Variants in MEOX1 observed in about 807,000 individuals in gnomAD.
The protein encoded by MEOX1 is homeobox protein MOX-1.
MEOX1 carries 17 observed loss-of-function variants against 23.2 expected under a neutral mutation model. That is an observed-to-expected ratio of 0.73 (90% CI 0.50 to 1.10). MEOX1 has a LOEUF of 1.10. Ranked by LOEUF, MEOX1 falls within the 50% of genes least tolerant of loss-of-function variation. The pLI is 0.00. For synonymous variants in MEOX1, 134 were observed against 135.1 expected (o/e 0.99, Z 0.06); for missense variants, 333 against 332.2 (o/e 1.00, Z -0.02).
intron 1 of MEOX1, among the ~76,000 whole-genome samples, chr17:43,645,865 C>T (rs923057371): frequency 2.0e-5 from 3 of 152,270 alleles, no homozygotes; most frequent in Non-Finnish European, 2.9e-5. Context: ...CCTCCGCCTC[C>T]GCGCCCCACT....
Position 43,661,804 on chromosome 17 carries a change from G to A in MEOX1, c.-270C>T. The A allele has an allele frequency of 2.6e-6, 1 of 379,670 alleles. No individual in the cohort carries two copies. The allele number at this position is 379,670 out of a possible 1,614,324, so 23.5% of individuals were successfully genotyped here. ...CTCCAATGCACCAGCCTACCTACTGGGATCCCCTGTATGTGTATTTGTCGC... is the reference window on the plus strand; with the variant it reads ...CTCCAATGCACCAGCCTACCTACTGAGATCCCCTGTATGTGTATTTGTCGC... On this transcript the variant is annotated 5_prime_UTR_variant, in exon 1 of 3. Coordinates refer to ENST00000318579, the MANE Select transcript of MEOX1 (RefSeq NM_004527.4).
At chr17:43,656,869 C>T (rs1343276179) in intron 1 of MEOX1, among the ~76,000 whole-genome samples, 1 of 151,912 alleles carries the variant, frequency 6.6e-6, no homozygotes, top group Non-Finnish European at 1.5e-5. Context: ...CTTTAATCCC[C>T]ATTGGCCTGG....
chr17:43,646,859 T>C (rs1451022913), intron 1 of MEOX1, among the ~76,000 whole-genome samples: 1 of 152,088 alleles, frequency 6.6e-6, no homozygotes, highest in Non-Finnish European at 1.5e-5. Flanking sequence ...TGGTGGCTCA[T>C]GCCTGTAATC....
chr17:43,647,615 C>T (rs1216659701), intron 1 of MEOX1, among the ~76,000 whole-genome samples: 1 of 152,178 alleles, frequency 6.6e-6, no homozygotes, highest in Non-Finnish European at 1.5e-5. Context: ...CATCTACCCT[C>T]CTCCAAGACC....
In MEOX1 at chr17:43,641,964, G is replaced by T. The variant is rs757321027; in HGVS notation, c.711C>A (p.Pro237=). 1.2e-6 allele frequency: 2 copies of T among 1,613,534 alleles called. No homozygotes were observed. The highest frequency in any genetic ancestry group is 1.7e-6 in the Non-Finnish European group (2 of 1,179,640). ...KRVKGGQPIS[P]NGQDPEDGDS... ...CCCCATCCTCAGGGTCCTGCCCATTGGGGGAGATGGGCTGACCTCCCTTCA... is the reference window on the plus strand; with the variant it reads ...CCCCATCCTCAGGGTCCTGCCCATTTGGGGAGATGGGCTGACCTCCCTTCA... The change falls in exon 3 of 3, where the codon CCC becomes CCA. Residue 237 remains proline, a synonymous_variant. Coordinates refer to ENST00000318579, the MANE Select transcript of MEOX1 (RefSeq NM_004527.4).
intron 1 of MEOX1, among the ~76,000 whole-genome samples, chr17:43,646,747 G>A (rs1466806687): frequency 1.3e-5 from 2 of 152,196 alleles, no homozygotes; most frequent in Non-Finnish European, 2.9e-5. Context: ...AAGCTGAGGC[G>A]GGCGGATCAC....
Position 43,661,886 on chromosome 17 carries a change from T to C in MEOX1, c.-352A>G, listed in dbSNP as rs1973153048. The C allele has an allele frequency of 1.0e-5, 2 of 193,334 alleles. No individual in the cohort carries two copies. Among genetic ancestry groups the C allele is most frequent in the Non-Finnish European group, 2.1e-5 (2 of 96,016 alleles). The allele number at this position is 193,334 out of a possible 1,614,324, so 12.0% of individuals were successfully genotyped here. On this transcript the variant is annotated 5_prime_UTR_variant, in exon 1 of 3. Coordinates refer to ENST00000318579, the MANE Select transcript of MEOX1 (RefSeq NM_004527.4). ...CCAGACGCACCAGCTGACGAGGAGT[T>C]CGTCCTGGAGCCCAGAGCAAATGCC...
At chr17:43,655,927 G>A (rs1476098244) in intron 1 of MEOX1, among the ~76,000 whole-genome samples, 2 of 152,116 alleles carry the variant, frequency 1.3e-5, no homozygotes, top group East Asian at 3.8e-4. Context: ...TCTAGAAATC[G>A]ATTGCACAAC....
chr17:43,652,522 C>A (rs1377929914), intron 1 of MEOX1, among the ~76,000 whole-genome samples: 1 of 152,182 alleles, frequency 6.6e-6, no homozygotes, highest in African/African-American at 2.4e-5. Flanking sequence ...TTTAGTCTCA[C>A]AGCTACCCAC....
intron 1 of MEOX1, among the ~76,000 whole-genome samples, chr17:43,650,238 AT>A (rs1422727121): frequency 1.3e-5 from 2 of 151,226 alleles, no homozygotes; most frequent in Non-Finnish European, 3.0e-5. Context: ...GGACTTAGAG[AT>A]GATCAATGTC....
chr17:43,641,739 C>G lies in MEOX1; in HGVS notation c.*171G>C. On this transcript the variant is annotated 3_prime_UTR_variant, in exon 3 of 3. Coordinates refer to ENST00000318579, the MANE Select transcript of MEOX1 (RefSeq NM_004527.4). ...CTGCTAAGAGGCTGGACAGAACTTC[C>G]TAGAAAATCCTAAGACTCCCAGGAA... The G allele has an allele frequency of 1.5e-6, 1 of 660,960 alleles. No homozygotes were observed. Among genetic ancestry groups the G allele is most frequent in the Admixed American group, 3.2e-5 (1 of 31,400 alleles). The allele number at this position is 660,960 out of a possible 1,614,324, so 40.9% of individuals were successfully genotyped here.
intron 1 of MEOX1, among the ~76,000 whole-genome samples, chr17:43,654,362 G>A (rs1283433661): frequency 1.3e-5 from 2 of 152,088 alleles, no homozygotes; most frequent in Non-Finnish European, 2.9e-5. Flanking sequence ...GCAAAAATTA[G>A]CCAGGTGTGG....
chr17:43,642,291 C>G (rs1027721057), intron 2 of MEOX1, among the ~76,000 whole-genome samples: 1 of 152,130 alleles, frequency 6.6e-6, no homozygotes, highest in African/African-American at 2.4e-5. Context: ...TTGGCCCCAC[C>G]CCCTTCACAT....
At chr17:43,642,353 GGGTCTGGGAGCAGA>G (rs1972713058) in intron 2 of MEOX1, among the ~76,000 whole-genome samples, 2 of 152,134 alleles carry the variant, frequency 1.3e-5, no homozygotes, top group African/African-American at 4.8e-5. Flanking sequence ...CATTCCCCAA[GGGTCTGGGAGCAGA>G]GGTCATCAGC....
chr17:43,646,676 C>T (rs7217312), intron 1 of MEOX1, among the ~76,000 whole-genome samples: 2,735 of 152,304 alleles, frequency 0.018, 85 homozygotes, highest in African/African-American at 0.062. Context: ...GTGCAACATG[C>T]TATTAAAATC....
chr17:43,652,132 A>G (rs1972929574), intron 1 of MEOX1, among the ~76,000 whole-genome samples: 1 of 152,118 alleles, frequency 6.6e-6, no homozygotes, highest in Admixed American at 6.6e-5. Context: ...ATACTGGCTG[A>G]GTGTGGAGTT....
At chr17:43,646,471 T>C (rs1567743330) in intron 1 of MEOX1, among the ~76,000 whole-genome samples, 1 of 152,192 alleles carries the variant, frequency 6.6e-6, no homozygotes, top group Non-Finnish European at 1.5e-5. Flanking sequence ...GCTTAGTGTT[T>C]CCCAGCCCTT....
intron 1 of MEOX1, among the ~76,000 whole-genome samples, chr17:43,644,719 G>A (rs966634754): frequency 2.0e-5 from 3 of 152,180 alleles, no homozygotes; most frequent in Non-Finnish European, 2.9e-5. Context: ...CTCGAGACCA[G>A]CCTGGCCAAC....
chr17:43,659,129 A>T (rs1006912465), intron 1 of MEOX1, among the ~76,000 whole-genome samples: 1 of 152,188 alleles, frequency 6.6e-6, no homozygotes, highest in African/African-American at 2.4e-5. Flanking sequence ...GGAATGCTGG[A>T]AGATTCTGCC....
Sources: allele counts gnomAD v4.1 joint callset (sites outside exome capture counted in the v4.1 genomes callset), GRCh38; gene constraint gnomAD v4.1.1; transcripts MANE v1.5; gene names NCBI Gene and HGNC (gene_info 2026-07-23, HGNC 2026-07-21).